The following ZNF503 variants were observed in gnomAD, a reference collection of about 807,000 sequenced individuals.
ZNF503 encodes the protein zinc finger protein 503.
A neutral mutation model predicts 34.4 loss-of-function variants in ZNF503; 15 were observed. That is an observed-to-expected ratio of 0.44 (90% CI 0.29 to 0.67). The LOEUF is 0.67. Among genes scored for constraint, ZNF503 ranks in the 30% least tolerant of loss-of-function variants. The pLI is 0.13. For missense variants in ZNF503, 1,007 were observed against 926.8 expected, an observed-to-expected ratio of 1.09 and a Z score of -1.12; for synonymous variants, 580 against 456.8, an observed-to-expected ratio of 1.27 and a Z score of -3.44.
chr10:75,399,492 C>G lies in ZNF503; in HGVS notation c.1198G>C (p.Gly400Arg). The G allele has an allele frequency of 6.4e-7, 1 of 1,566,436 alleles. No homozygotes were observed. The highest frequency in any genetic ancestry group is 1.1e-5 in the South Asian group (1 of 87,978). Residue 400 changes from glycine to arginine, a missense_variant, in exon 2 of 2, where the codon GGG becomes CGG. Coordinates refer to ENST00000372524, the MANE Select transcript of ZNF503 (RefSeq NM_032772.6). Reference protein sequence around the residue: ...VGAQLAAAAAGSLGCSKPAGS... With the variant: ...VGAQLAAAAARSLGCSKPAGS... ...GCCGGCTTACTGCAGCCCAGAGACC[C>G]GGCCGCGGCCGCCGCCAGCTGCGCC...
the ZNF503 span, among the ~76,000 whole-genome samples, chr10:75,387,235 G>A: frequency 1.3e-5 from 2 of 152,240 alleles, no homozygotes; most frequent in Non-Finnish European, 2.9e-5. Flanking sequence ...GGAAGGAGCA[G>A]CTGTGAACAT....
the ZNF503 span, among the ~76,000 whole-genome samples, chr10:75,337,612 C>T: frequency 1.9e-4 from 26 of 135,224 alleles, no homozygotes; most frequent in African/African-American, 4.7e-4. Context: ...AGCTAGACTC[C>T]GTCTCCAAAA....
At chr10:75,283,192 C>G in the ZNF503 span, 3 of 152,248 alleles carry the variant, frequency 2.0e-5, no homozygotes, top group Non-Finnish European at 2.9e-5. Context: ...TAGTGCGTTT[C>G]CCACCCGGGA....
At chr10:75,400,961 G>A (rs985220335) in intron 1 of ZNF503, 144 bp downstream of exon 1, 14 of 1,221,538 alleles carry the variant, frequency 1.1e-5, no homozygotes, top group Admixed American at 2.3e-5. Context: ...CTAGTTTTGA[G>A]GTACGGAAGC....
At position 75,401,278 on chromosome 10, in the gene ZNF503, A is replaced by T; in HGVS notation, c.142T>A (p.Ser48Thr). The T allele has an allele frequency of 6.3e-7, 1 of 1,585,486 alleles. No individual in the cohort carries two copies. The highest frequency in any genetic ancestry group is 8.6e-7 in the Non-Finnish European group (1 of 1,167,696). ...AAAGGCTTGGTGCTGCCGGCCGGGGACGAGCCTGGGCCGGGGCCGGAGCTA... is the reference window on the plus strand; with the variant it reads ...AAAGGCTTGGTGCTGCCGGCCGGGGTCGAGCCTGGGCCGGGGCCGGAGCTA... ...GNSSGPGPGS[S>T]PAGSTKPFVH... The change falls in exon 1 of 2, where the codon TCC (serine) becomes ACC (threonine). Residue 48 changes from serine (S) to threonine (T), a missense_variant. By Grantham distance (58) the Ser-to-Thr change is moderately conservative (BLOSUM62 1). Coordinates refer to ENST00000372524, the MANE Select transcript of ZNF503 (RefSeq NM_032772.6).
chr10:75,401,286 G>C lies in ZNF503; in HGVS notation c.134C>G (p.Pro45Arg). Residue 45 changes from proline (P) to arginine (R), a missense_variant, in exon 1 of 2, where the codon CCA (proline) becomes CGA (arginine). Transcript: ENST00000372524. ...ALSGNSSGPG[P>R]GSSPAGSTKP... Reference sequence around the variant, plus strand: ...GGTGCTGCCGGCCGGGGACGAGCCTGGGCCGGGGCCGGAGCTATTTCCAGA... The same window carrying C: ...GGTGCTGCCGGCCGGGGACGAGCCTCGGCCGGGGCCGGAGCTATTTCCAGA... The C allele has an allele frequency of 6.4e-7, 1 of 1,571,272 alleles. No homozygotes were observed. Among genetic ancestry groups the C allele is most frequent in the East Asian group, 2.4e-5 (1 of 42,552 alleles).
the ZNF503 span, among the ~76,000 whole-genome samples, chr10:75,341,167 A>G: frequency 6.6e-6 from 1 of 152,232 alleles, no homozygotes; most frequent in East Asian, 1.9e-4. Context: ...ATAGTGTCTG[A>G]TACATAGTAG....
chr10:75,400,408 A>G (rs1361353102), intron 1 of ZNF503, 34 bp from the exon 2 acceptor site: 1 of 1,572,384 alleles, frequency 6.4e-7, no homozygotes, highest in Admixed American at 1.8e-5. Context: ...GGAGCGTCAC[A>G]CAGAGAAAGA....
chr10:75,290,990 C>T, the ZNF503 span, among the ~76,000 whole-genome samples: 29 of 152,170 alleles, frequency 1.9e-4, no homozygotes, highest in African/African-American at 7.0e-4. Flanking sequence ...CCCTGTAAGG[C>T]CCTTTCATTG....
At chr10:75,322,127 AT>A in the ZNF503 span, among the ~76,000 whole-genome samples, 51 of 140,154 alleles carry the variant, frequency 3.6e-4, no homozygotes, top group East Asian at 8.4e-4. Flanking sequence ...ACCACCACCA[AT>A]TTTTTTTTTT....
chr10:75,309,437 G>T, the ZNF503 span, among the ~76,000 whole-genome samples: 3 of 152,112 alleles, frequency 2.0e-5, no homozygotes, highest in Non-Finnish European at 4.4e-5. Flanking sequence ...AATTGCCACA[G>T]CCACTGCATC....
rs750546401 is a variant in ZNF503, at chr10:75,401,445, C to CG, written c.-27dup. The CG allele has an allele frequency of 7.9e-6, 12 of 1,523,660 alleles. No individual in the cohort carries two copies. The highest frequency in any genetic ancestry group is 4.2e-5 in the African/African-American group (3 of 70,906). 94.4% of individuals were successfully genotyped at this position (1,523,660 alleles called of 1,614,324 possible). A position where few individuals can be genotyped will look rare whatever the true frequency, so the allele number is the denominator to read the frequency against. The stretch of plus-strand genomic sequence containing the variant: ...GACCCACCCGCGCGCATGGGAGCAG[C>CG]GGGGGGGAGGGCTCCGGGAGGCGCG... On this transcript the variant is annotated 5_prime_UTR_variant, in exon 1 of 2. Coordinates refer to ENST00000372524, the MANE Select transcript of ZNF503 (RefSeq NM_032772.6).
chr10:75,401,802 G>C (rs868148344), upstream of ZNF503: 1 of 251,000 alleles, frequency 4.0e-6, no homozygotes, highest in East Asian at 1.1e-4. Context: ...TGCACCAAGG[G>C]GGAGATTAAA....
At chr10:75,302,602 C>G in the ZNF503 span, among the ~76,000 whole-genome samples, 1 of 152,232 alleles carries the variant, frequency 6.6e-6, no homozygotes, top group African/African-American at 2.4e-5. Context: ...TACATACACA[C>G]AGCCTCTGGC....
chr10:75,383,869 A>G, the ZNF503 span, among the ~76,000 whole-genome samples: 119 of 152,350 alleles, frequency 7.8e-4, 1 homozygote, highest in African/African-American at 2.7e-3. Flanking sequence ...TCTGTTGGCT[A>G]TTTAATTGAT....
At chr10:75,392,026 G>T in the ZNF503 span, among the ~76,000 whole-genome samples, 1 of 152,190 alleles carries the variant, frequency 6.6e-6, no homozygotes, top group Non-Finnish European at 1.5e-5. Flanking sequence ...CTTGGCCTGA[G>T]ATCTAAAGTA....
chr10:75,370,058 C>CAAAA, the ZNF503 span, among the ~76,000 whole-genome samples: 1 of 94,776 alleles, frequency 1.1e-5, no homozygotes, highest in Non-Finnish European at 2.2e-5. Flanking sequence ...GACTACATGT[C>CAAAA]AAAATAAATA....
chr10:75,301,764 A>G, the ZNF503 span, among the ~76,000 whole-genome samples: 3 of 152,072 alleles, frequency 2.0e-5, no homozygotes, highest in Non-Finnish European at 4.4e-5. Context: ...CTTTGCTCCA[A>G]TACATCTCCT....
chr10:75,357,496 C>A, the ZNF503 span, among the ~76,000 whole-genome samples: 1 of 152,018 alleles, frequency 6.6e-6, no homozygotes, highest in Non-Finnish European at 1.5e-5. Context: ...CCAGCCTGGG[C>A]AACAGAGCGA....
Sources: allele counts gnomAD v4.1 joint callset (sites outside exome capture counted in the v4.1 genomes callset), GRCh38; gene constraint gnomAD v4.1.1; transcripts MANE v1.5; gene names NCBI Gene and HGNC (gene_info 2026-07-23, HGNC 2026-07-21).